Variants in SLC52A1 observed in about 807,000 individuals in gnomAD.
SLC52A1 encodes solute carrier family 52, riboflavin transporter, member 1.
A neutral mutation model predicts 23.2 loss-of-function variants in SLC52A1; 20 were observed. The ratio of observed to expected loss-of-function variants is 0.86; its 90% confidence interval spans 0.61 to 1.25. The LOEUF is 1.25. Among genes scored for constraint, SLC52A1 ranks in the 50% most tolerant of loss-of-function variants. The probability of loss-of-function intolerance (pLI) is 0.00; values close to 1 mark genes in which losing one functional copy is unlikely to be tolerated. For missense variants in SLC52A1, 528 were observed against 557.0 expected, an observed-to-expected ratio of 0.95 and a Z score of 0.52; for synonymous variants, 260 against 256.6, an observed-to-expected ratio of 1.01 and a Z score of -0.13.
At chr17:5,038,774 G>A (rs560687755), upstream of SLC52A1, among the ~76,000 whole-genome samples, 1 of 151,916 alleles carries the variant, frequency 6.6e-6, no homozygotes, top group African/African-American at 2.4e-5. Context: ...TTTTTTAGTA[G>A]AGACGGGGTT....
At chr17:5,039,168 C>T (rs1221515214), upstream of SLC52A1, among the ~76,000 whole-genome samples, 1 of 151,320 alleles carries the variant, frequency 6.6e-6, no homozygotes, top group African/African-American at 2.4e-5. Flanking sequence ...ACTAAAAATA[C>T]AAAAATCAGC....
chr17:5,037,405 G>A (rs1425493875), upstream of SLC52A1, among the ~76,000 whole-genome samples: 4 of 152,034 alleles, frequency 2.6e-5, no homozygotes, highest in Non-Finnish European at 5.9e-5. Flanking sequence ...TGTAATCCCA[G>A]CTACTCGGGA....
upstream of SLC52A1, chr17:5,035,560 G>A (rs888987002): frequency 3.3e-5 from 5 of 152,360 alleles, no homozygotes; most frequent in South Asian, 2.1e-4. Context: ...AGGTGCGCAG[G>A]GGTCCCCGCA....
In SLC52A1 at chr17:5,032,881, C is replaced by T; in HGVS notation, c.*76G>A. 1 of 1,380,190 alleles carries T rather than the reference C, an allele frequency of 7.2e-7. No homozygotes were observed. The highest frequency in any genetic ancestry group is 1.2e-5 in the South Asian group (1 of 80,022). The allele number at this position is 1,380,190 out of a possible 1,614,324, so 85.5% of individuals were successfully genotyped here. A position where few individuals can be genotyped will look rare whatever the true frequency, so the allele number is the denominator to read the frequency against. Reference sequence around the variant, plus strand: ...CTGTGTTGGGGGAAGCCTGCCTGGGCCACAAGTAGTCAGGCACTGTGGCAG... The same window carrying T: ...CTGTGTTGGGGGAAGCCTGCCTGGGTCACAAGTAGTCAGGCACTGTGGCAG... On this transcript the variant is annotated 3_prime_UTR_variant, in exon 5 of 5. Transcript: ENST00000254853.
At chr17:5,037,905 TCTTC>T, upstream of SLC52A1, among the ~76,000 whole-genome samples, 2 of 115,852 alleles carry the variant, frequency 1.7e-5, no homozygotes, top group South Asian at 4.7e-4. Context: ...TTTCTTTCTT[TCTTC>T]CTTCCTTTTT....
chr17:5,033,064 C>T lies in SLC52A1; in HGVS notation c.1240G>A (p.Ala414Thr), dbSNP rs142353672. The T allele has an allele frequency of 1.5e-4, 241 of 1,613,578 alleles. No homozygotes were observed. The highest frequency in any genetic ancestry group is 1.9e-4 in the Non-Finnish European group (220 of 1,179,998). Reference protein sequence around the residue: ...GRPALLAAGVAIQVGSLLGAG... With the variant: ...GRPALLAAGVTIQVGSLLGAG... The stretch of plus-strand genomic sequence containing the variant: ...CCAAGCAGGGAGCCCACTTGGATGG[C>T]CACACCAGCTGCCAGCAATGCCGGC... The change falls in exon 5 of 5, where the codon GCC becomes ACC. Residue 414 changes from alanine (A) to threonine (T), a missense_variant. By Grantham distance (58) the Ala-to-Thr change is moderately conservative. Coordinates refer to ENST00000254853, the MANE Select transcript of SLC52A1 (RefSeq NM_017986.4).
chr17:5,038,813 C>T (rs948759143), upstream of SLC52A1, among the ~76,000 whole-genome samples: 1 of 151,964 alleles, frequency 6.6e-6, no homozygotes, highest in African/African-American at 2.4e-5. Flanking sequence ...TGGTCTCGAT[C>T]TTCTGACCTC....
chr17:5,032,721 C>T lies in SLC52A1; in HGVS notation c.*236G>A, dbSNP rs940196795. On this transcript the variant is annotated 3_prime_UTR_variant, in exon 5 of 5. Coordinates refer to ENST00000254853, the MANE Select transcript of SLC52A1 (RefSeq NM_017986.4). ...ATAAAAACACTTTATTGCACAAATCCCACAAAGGTCTCAGGCCCTGGGTCC... is the reference window on the plus strand; with the variant it reads ...ATAAAAACACTTTATTGCACAAATCTCACAAAGGTCTCAGGCCCTGGGTCC... 2.1e-6 allele frequency: 1 copy of T among 469,136 alleles called. No homozygotes were observed. The highest frequency in any genetic ancestry group is 3.8e-6 in the Non-Finnish European group (1 of 263,590). The allele number at this position is 469,136 out of a possible 1,614,324, so 29.1% of individuals were successfully genotyped here.
chr17:5,038,740 C>T (rs377037470), upstream of SLC52A1, among the ~76,000 whole-genome samples: 119 of 152,102 alleles, frequency 7.8e-4, 3 homozygotes, highest in East Asian at 0.018. Context: ...GCGCCCACCA[C>T]CACACCCGGC....
chr17:5,033,723 G>A lies in SLC52A1; in HGVS notation c.766C>T (p.Pro256Ser), dbSNP rs980307175. Reference sequence around the variant, plus strand: ...ATGGTGCCTGCTGCCTGGCTCGGTGGCTCCTGCAATGGCAAAGCCTCTTCT... The same window carrying A: ...ATGGTGCCTGCTGCCTGGCTCGGTGACTCCTGCAATGGCAAAGCCTCTTCT... ...EEEEALPLQEPPSQAAGTIPG... is the reference protein window; with the variant it reads ...EEEEALPLQESPSQAAGTIPG... Residue 256 changes from proline (P) to serine (S), a missense_variant, in exon 3 of 5, where the codon CCA (proline) becomes TCA (serine). Pro to Ser is a moderately conservative substitution (Grantham distance 74, BLOSUM62 -1). Coordinates refer to ENST00000254853, the MANE Select transcript of SLC52A1 (RefSeq NM_017986.4). The A allele has an allele frequency of 3.1e-6, 5 of 1,614,082 alleles. No individual in the cohort carries two copies. Among genetic ancestry groups the A allele is most frequent in the Middle Eastern group, 1.6e-4 (1 of 6,062 alleles).
At chr17:5,035,789 A>G (rs9905696), upstream of SLC52A1, among the ~76,000 whole-genome samples, 100,835 of 142,512 alleles carry the variant, frequency 0.71, 35,320 homozygotes, top group African/African-American at 0.83. Flanking sequence ...CAACCTCCCA[A>G]GCTCAAGGGA....
In SLC52A1 at chr17:5,034,642, G is replaced by A. The variant is rs997697467; in HGVS notation, c.-36C>T. 1 of 1,611,056 alleles carries A rather than the reference G, an allele frequency of 6.2e-7. No homozygotes were observed. On this transcript the variant is annotated 5_prime_UTR_variant, in exon 2 of 5. Coordinates refer to ENST00000254853, the MANE Select transcript of SLC52A1 (RefSeq NM_017986.4). ...GCTGGACCCTCCAGGACAGGGCAAA[G>A]GTCACAGGCAGGTCCTTCCCTAGGT...
rs543970255 is a variant in SLC52A1, at chr17:5,032,877, T to C, written c.*80A>G. 2.4e-5 allele frequency: 33 copies of C among 1,350,884 alleles called. No homozygotes were observed. The Admixed American group carries it at 3.5e-4, about 14-fold the overall frequency. The allele number at this position is 1,350,884 out of a possible 1,614,324, so 83.7% of individuals were successfully genotyped here. On this transcript the variant is annotated 3_prime_UTR_variant, in exon 5 of 5. Transcript: ENST00000254853. ...GTTCCTGTGTTGGGGGAAGCCTGCC[T>C]GGGCCACAAGTAGTCAGGCACTGTG...
At position 5,034,995 on chromosome 17, in the gene SLC52A1, G is replaced by A. The variant is rs568381311; in HGVS notation, c.-242C>T. On this transcript the variant is annotated 5_prime_UTR_variant, in exon 1 of 5. Transcript: ENST00000254853. ...TGATTTTCCTACCCACAGAGGACCC[G>A]GGGTCCAAGTTGTCAAAACAGCTCA... 68 of 229,694 alleles carry A rather than the reference G, an allele frequency of 3.0e-4. No individual in the cohort carries two copies. The highest frequency in any genetic ancestry group is 2.3e-3 in the South Asian group (33 of 14,448). 14.2% of individuals were successfully genotyped at this position (229,694 alleles called of 1,614,324 possible).
chr17:5,042,254 G>A (rs751343309), intron 1 of SLC52A1, among the ~76,000 whole-genome samples: 1 of 152,174 alleles, frequency 6.6e-6, no homozygotes, highest in Non-Finnish European at 1.5e-5. Flanking sequence ...TTCATGAACT[G>A]TTGTGCAGGG....
Position 5,034,676 on chromosome 17 carries a change from A to C in SLC52A1, c.-70T>G, listed in dbSNP as rs1975417312. On this transcript the variant is annotated 5_prime_UTR_variant, in exon 2 of 5. Transcript: ENST00000254853. ...CAGGTCCTTCCCTAGGTAGGTCCAA[A>C]GATGCTTTGGTTCTTCTGGAAACTG... 2 of 1,585,706 alleles carry C rather than the reference A, an allele frequency of 1.3e-6. No homozygotes were observed. The highest frequency in any genetic ancestry group is 1.7e-6 in the Non-Finnish European group (2 of 1,166,672).
chr17:5,037,480 C>T (rs1975484953), upstream of SLC52A1, among the ~76,000 whole-genome samples: 1 of 152,142 alleles, frequency 6.6e-6, no homozygotes, highest in Non-Finnish European at 1.5e-5. Flanking sequence ...GCTTGTGCCA[C>T]TGCAGTCCAG....
Position 5,033,466 on chromosome 17 carries a change from G to A in SLC52A1, c.1010+13C>T. 6.2e-7 allele frequency: 1 copy of A among 1,608,204 alleles called. No homozygotes were observed. Among genetic ancestry groups the A allele is most frequent in the Non-Finnish European group, 8.5e-7 (1 of 1,177,082 alleles). On this transcript the variant is annotated intron_variant, in intron 3 of 4. Transcript: ENST00000254853. ...TTAAGTTCCACCCACCAAGCCTGGG[G>A]ACCCTTTTGCACCTGCACAGCACGC...
Position 5,033,137 on chromosome 17 carries a change from G to C in SLC52A1, c.1167C>G (p.Phe389Leu). 2 of 1,613,792 alleles carry C rather than the reference G, an allele frequency of 1.2e-6. No homozygotes were observed. Among genetic ancestry groups the C allele is most frequent in the Non-Finnish European group, 1.7e-6 (2 of 1,180,010 alleles). The change falls in exon 5 of 5, where the codon TTC becomes TTG. Residue 389 changes from phenylalanine to leucine, a missense_variant. Physicochemically the swap from Phe to Leu is conservative, Grantham distance 22. Transcript: ENST00000254853. ...AGCTTGCAGCCACCTTCACATATGA[G>C]AACACACACAGACACAGCACCCACG... is the stretch of plus-strand genomic sequence containing the variant. The part of the protein sequence containing the change: ...VLSWVLCLCV[F>L]SYVKVAASSL...
Sources: gnomAD v4.1 joint callset for allele counts (sites outside exome capture counted in the v4.1 genomes callset) on GRCh38, gnomAD v4.1.1 for gene constraint, MANE v1.5 for transcripts, NCBI Gene and HGNC (gene_info 2026-07-23, HGNC 2026-07-21) for gene names.